Variants in EXOC4 observed in about 807,000 individuals in gnomAD.
The protein encoded by EXOC4 is SEC8-like 1.
EXOC4 carries 71 observed loss-of-function variants against 107.2 expected under a neutral mutation model. The ratio of observed to expected loss-of-function variants is 0.66; its 90% CI spans 0.55 to 0.81. EXOC4 has a LOEUF of 0.81. EXOC4 is among the 30% of genes least tolerant of loss of function. The pLI is 0.00. For synonymous variants in EXOC4, 456 were observed against 441.2 expected (o/e 1.03, Z -0.42); for missense variants, 1,108 against 1,189.6 (o/e 0.93, Z 1.01).
At chr7:133,996,057 T>A (rs1794385618) in intron 14 of EXOC4, among the ~76,000 whole-genome samples, 1 of 152,176 alleles carries the variant, frequency 6.6e-6, no homozygotes, top group South Asian at 2.1e-4. Context: ...GAATAAAGAT[T>A]GATGGAATTA....
At chr7:133,366,647 CACTT>C (rs980579347) in intron 6 of EXOC4, among the ~76,000 whole-genome samples, 8 of 152,134 alleles carry the variant, frequency 5.3e-5, no homozygotes, top group South Asian at 2.1e-4. Flanking sequence ...TAATCTATAA[CACTT>C]ACTTTCTTAC....
chr7:133,786,058 C>G (rs1796563101), intron 10 of EXOC4, among the ~76,000 whole-genome samples: 1 of 152,064 alleles, frequency 6.6e-6, no homozygotes. Context: ...TTCCAGTATA[C>G]CAACTATATC....
intron 17 of EXOC4, among the ~76,000 whole-genome samples, chr7:134,027,082 G>T (rs1263526622): frequency 6.6e-6 from 1 of 152,098 alleles, no homozygotes; most frequent in African/African-American, 2.4e-5. Context: ...CAAGGTGATT[G>T]CTATCAAGGA....
chr7:134,052,579 T>A (rs1795823193), intron 17 of EXOC4, among the ~76,000 whole-genome samples: 1 of 152,094 alleles, frequency 6.6e-6, no homozygotes, highest in African/African-American at 2.4e-5. Context: ...CAATACAGAC[T>A]ACAGAGGAGG....
chr7:133,731,257 G>A (rs1795319880), intron 10 of EXOC4, among the ~76,000 whole-genome samples: 1 of 152,056 alleles, frequency 6.6e-6, no homozygotes, highest in South Asian at 2.1e-4. Flanking sequence ...CATTCACATT[G>A]TTAAACAACC....
intron 7 of EXOC4, among the ~76,000 whole-genome samples, chr7:133,460,554 A>G (rs1798567141): frequency 6.6e-6 from 1 of 152,328 alleles, no homozygotes; most frequent in East Asian, 1.9e-4. Context: ...GTAATGTATA[A>G]TAATCAAATA....
chr7:134,037,056 T>C (rs1351815488), intron 17 of EXOC4, among the ~76,000 whole-genome samples: 9 of 152,216 alleles, frequency 5.9e-5, no homozygotes, highest in African/African-American at 1.7e-4. Context: ...TCCCAGTTTT[T>C]ATATTTTTGA....
chr7:134,046,310 C>T lies in EXOC4; in HGVS notation c.2688-17981C>T, dbSNP rs183303166. Among the ~76,000 whole-genome samples, 174 of 152,104 alleles carry T rather than the reference C, an allele frequency of 1.1e-3. 1 individual carries two copies. The highest frequency in any genetic ancestry group is 1.2e-3 in the Non-Finnish European group (84 of 67,988). The stretch of plus-strand genomic sequence containing the variant: ...CAGCCTGGCCAACATGGTGAAACCC[C>T]GTCTCTAATAAAAATACAAAAATTA... On this transcript the variant is annotated intron_variant, in intron 17 of 17. Coordinates refer to ENST00000253861, the MANE Select transcript of EXOC4 (RefSeq NM_021807.4).
chr7:133,777,587 C>T (rs1358496980), intron 10 of EXOC4, among the ~76,000 whole-genome samples: 2 of 152,130 alleles, frequency 1.3e-5, no homozygotes, highest in African/African-American at 2.4e-5. Flanking sequence ...TGAGGATGCA[C>T]TGATTTGGAA....
intron 9 of EXOC4, among the ~76,000 whole-genome samples, chr7:133,568,625 C>G (rs1194140655): frequency 6.6e-6 from 1 of 151,996 alleles, no homozygotes; most frequent in African/African-American, 2.4e-5. Flanking sequence ...CATTTATGTA[C>G]CAGGAAATTA....
At chr7:133,260,093 A>G (rs1172014762) in intron 1 of EXOC4, among the ~76,000 whole-genome samples, 1 of 152,076 alleles carries the variant, frequency 6.6e-6, no homozygotes, top group African/African-American at 2.4e-5. Context: ...TAAAAAGACT[A>G]TCCTTTCTGT....
At chr7:133,338,748 C>CTTTT (rs67620822) in intron 5 of EXOC4, among the ~76,000 whole-genome samples, 2 of 87,066 alleles carry the variant, frequency 2.3e-5, no homozygotes, top group African/African-American at 7.8e-5. Flanking sequence ...ATGGTGTAGT[C>CTTTT]TTTTTTTTTT....
rs950882936 is a variant in EXOC4, at chr7:133,823,677, G to A, written c.1734+6133G>A. On this transcript the variant is annotated intron_variant, in intron 11 of 17. Transcript: ENST00000253861. ...CTAAAAATACAAAAATTAGCCAGGT[G>A]TGGTGGTAAGTACCTGTAGTCTCAG... is the stretch of plus-strand genomic sequence containing the variant. Among the ~76,000 whole-genome samples the A allele has an allele frequency of 2.0e-5, 3 of 149,466 alleles. No individual in the cohort carries two copies. In the South Asian group the frequency reaches 6.4e-4, roughly 32 times the overall value.
the EXOC4 span, among the ~76,000 whole-genome samples, chr7:134,095,053 C>A: frequency 6.6e-6 from 1 of 151,954 alleles, no homozygotes; most frequent in Non-Finnish European, 1.5e-5. Context: ...CCTTGAAAAC[C>A]CTAAAAACTC....
chr7:133,652,973 T>A (rs899020151), intron 10 of EXOC4, among the ~76,000 whole-genome samples: 3 of 152,192 alleles, frequency 2.0e-5, no homozygotes, highest in African/African-American at 7.2e-5. Context: ...ATTGTAGGAA[T>A]TTAAAACTAT....
intron 9 of EXOC4, among the ~76,000 whole-genome samples, chr7:133,623,508 C>A (rs1802381338): frequency 6.6e-6 from 1 of 151,886 alleles, no homozygotes; most frequent in Non-Finnish European, 1.5e-5. Context: ...GTGCTTATTC[C>A]CCGGGAGAAA....
intron 9 of EXOC4, among the ~76,000 whole-genome samples, chr7:133,548,610 T>G (rs1800528395): frequency 6.6e-6 from 1 of 152,234 alleles, no homozygotes; most frequent in African/African-American, 2.4e-5. Context: ...CTGCTTCACC[T>G]TGCCCTTTTA....
intron 9 of EXOC4, among the ~76,000 whole-genome samples, chr7:133,579,537 T>C (rs993903313): frequency 2.6e-5 from 4 of 152,206 alleles, no homozygotes; most frequent in African/African-American, 9.7e-5. Flanking sequence ...ACAGTGTTAC[T>C]AACTCCATCC....
intron 10 of EXOC4, among the ~76,000 whole-genome samples, chr7:133,734,447 T>TC (rs397772098): frequency 3.3e-5 from 5 of 151,678 alleles, no homozygotes; most frequent in South Asian, 2.1e-4. Flanking sequence ...TTTTTTTTTT[T>TC]CGAGATGGTT....
Sources: allele counts gnomAD v4.1 joint callset (sites outside exome capture counted in the v4.1 genomes callset), GRCh38; gene constraint gnomAD v4.1.1; transcripts MANE v1.5; gene names NCBI Gene and HGNC (gene_info 2026-07-23, HGNC 2026-07-21).